Variants in HIBCH observed in about 807,000 individuals in gnomAD.
The protein encoded by HIBCH is 3-hydroxyisobutyryl-CoA hydrolase, mitochondrial.
HIBCH carries 50 observed loss-of-function variants against 58.2 expected under a neutral mutation model. The observed-to-expected ratio is 0.86, with a 90% CI of 0.68 to 1.09. HIBCH has a LOEUF of 1.09. Ranked by LOEUF, HIBCH falls within the 50% of genes least tolerant of loss-of-function variation. The pLI is 0.00. For synonymous variants in HIBCH, 151 were observed against 146.9 expected (o/e 1.03, Z -0.20); for missense variants, 450 against 449.7 (o/e 1.00, Z -0.01).
At chr2:190,191,639 G>T (rs1447766406) in intron 1 of HIBCH, among the ~76,000 whole-genome samples, 1 of 152,078 alleles carries the variant, frequency 6.6e-6, no homozygotes, top group East Asian at 1.9e-4. Flanking sequence ...ACCAGCACTT[G>T]GTATTATTTT....
At chr2:190,283,230 A>T (rs1294815631) in intron 6 of HIBCH, among the ~76,000 whole-genome samples, 3 of 152,188 alleles carry the variant, frequency 2.0e-5, no homozygotes, top group African/African-American at 4.8e-5. Flanking sequence ...TAACTTCCTC[A>T]TAAAGCAACC....
intron 6 of HIBCH, among the ~76,000 whole-genome samples, chr2:190,266,440 T>C (rs771751573): frequency 7.9e-5 from 12 of 151,770 alleles, no homozygotes; most frequent in Admixed American, 2.0e-4. Flanking sequence ...TTTTTACTTA[T>C]TTATTTATTT....
At chr2:190,291,437 T>C (rs763784290) in intron 4 of HIBCH, among the ~76,000 whole-genome samples, 12 of 152,046 alleles carry the variant, frequency 7.9e-5, no homozygotes, top group Non-Finnish European at 1.8e-4. Context: ...TAAATAGGAA[T>C]TTCCTAGAAA....
At chr2:190,288,136 G>T (rs1415661726) in intron 5 of HIBCH, among the ~76,000 whole-genome samples, 1 of 147,038 alleles carries the variant, frequency 6.8e-6, no homozygotes, top group East Asian at 2.0e-4. Context: ...TCCAGCCTGG[G>T]CAACAGACCA....
intron 11 of HIBCH, chr2:190,213,404 T>C (rs1190940808): frequency 9.6e-6 from 3 of 312,224 alleles, no homozygotes; most frequent in Non-Finnish European, 1.8e-5. Flanking sequence ...AAACCAATCA[T>C]ATTCATGGAG....
chr2:190,207,550 G>A lies in HIBCH; in HGVS notation c.1045+1330C>T, dbSNP rs1690420091. 6.6e-6 allele frequency among the ~76,000 whole-genome samples: 1 copy of A among 152,134 alleles called. No individual in the cohort carries two copies. Among genetic ancestry groups the A allele is most frequent in the Admixed American group, 6.5e-5 (1 of 15,274 alleles). ...AGTGATTGTTTATCAAAGCTTAAGAGCTGAGAGAACATAACATAACCTTTT... is the reference window on the plus strand; with the variant it reads ...AGTGATTGTTTATCAAAGCTTAAGAACTGAGAGAACATAACATAACCTTTT... On this transcript the variant is annotated intron_variant, in intron 13 of 13. Coordinates refer to ENST00000359678, the MANE Select transcript of HIBCH (RefSeq NM_014362.4). This position sits in a 1 kb window ranked among gnomAD's most constrained non-coding sequence, Gnocchi z 4.5.
intron 11 of HIBCH, among the ~76,000 whole-genome samples, chr2:190,231,295 T>C (rs957525572): frequency 1.3e-5 from 2 of 152,210 alleles, no homozygotes; most frequent in African/African-American, 4.8e-5. Context: ...ATTCTGCAAG[T>C]AGCTGAAGTT....
intron 11 of HIBCH, among the ~76,000 whole-genome samples, chr2:190,229,923 T>C (rs1686042830): frequency 6.6e-6 from 1 of 152,130 alleles, no homozygotes; most frequent in South Asian, 2.1e-4. Context: ...AACAGTTAAA[T>C]TGACAGGTAG....
chr2:190,213,007 C>G lies in HIBCH; in HGVS notation c.960G>C (p.Lys320Asn). 1.9e-6 allele frequency: 3 copies of G among 1,610,154 alleles called. No homozygotes were observed. Among genetic ancestry groups the G allele is most frequent in the Non-Finnish European group, 2.5e-6 (3 of 1,176,830 alleles). The change falls in exon 12 of 14, where the codon AAG (lysine) becomes AAC (asparagine). Residue 320 changes from lysine (K) to asparagine (N), a missense_variant. By Grantham distance (94) the Lys-to-Asn change is moderately conservative (BLOSUM62 0). Coordinates refer to ENST00000359678, the MANE Select transcript of HIBCH (RefSeq NM_014362.4). ...TLRQLMEGSS[K>N]TLQEVLTMEY... ...CCATAGTTAGTACTTCTTGCAAGGTCTTTGAAGACCCCTCCATGAGTTGCC... is the reference window on the plus strand; with the variant it reads ...CCATAGTTAGTACTTCTTGCAAGGTGTTTGAAGACCCCTCCATGAGTTGCC...
At chr2:190,245,989 C>CAAAAA (rs527873173) in intron 10 of HIBCH, among the ~76,000 whole-genome samples, 165 bp downstream of exon 10, 4 of 60,236 alleles carry the variant, frequency 6.6e-5, no homozygotes, top group Middle Eastern at 0.016. Context: ...GACTCTGTCT[C>CAAAAA]AAAAAAAAAA....
At chr2:190,258,398 T>C (rs1686988413) in intron 7 of HIBCH, among the ~76,000 whole-genome samples, 1 of 152,138 alleles carries the variant, frequency 6.6e-6, no homozygotes, top group African/African-American at 2.4e-5. Flanking sequence ...ACCAGAGAAG[T>C]AGGGCATTGC....
intron 6 of HIBCH, among the ~76,000 whole-genome samples, chr2:190,275,895 G>A (rs1687535184): frequency 1.3e-5 from 2 of 152,296 alleles, no homozygotes; most frequent in African/African-American, 4.8e-5. Flanking sequence ...TTAAAGCTGA[G>A]CAAACTTTCC....
intron 7 of HIBCH, among the ~76,000 whole-genome samples, chr2:190,255,208 C>G (rs2105944907): frequency 1.3e-5 from 2 of 152,298 alleles, no homozygotes; most frequent in African/African-American, 4.8e-5. Flanking sequence ...TAACTCTTCA[C>G]CAGAGGCCCC....
intron 2 of HIBCH, among the ~76,000 whole-genome samples, chr2:190,299,953 A>AC (rs1688217496): frequency 6.6e-6 from 1 of 151,934 alleles, no homozygotes; most frequent in South Asian, 2.1e-4. Context: ...TTTGCTAAGG[A>AC]TGATGGCCTC....
intron 2 of HIBCH, among the ~76,000 whole-genome samples, chr2:190,300,783 T>C (rs550820577): frequency 5.3e-5 from 8 of 152,250 alleles, no homozygotes; most frequent in Non-Finnish European, 1.2e-4. Flanking sequence ...TTTACAGCTT[T>C]GGGTTTTACA....
chr2:190,289,346 GAATT>G (rs1310836471), intron 5 of HIBCH, among the ~76,000 whole-genome samples: 1 of 151,898 alleles, frequency 6.6e-6, no homozygotes, highest in Non-Finnish European at 1.5e-5. Context: ...GACAAAAACT[GAATT>G]TATTTTTCCA....
chr2:190,255,828 GGAGAGA>G (rs56688526), intron 7 of HIBCH, among the ~76,000 whole-genome samples: 2 of 150,206 alleles, frequency 1.3e-5, no homozygotes, highest in South Asian at 2.1e-4. Context: ...GCTTAGGAAT[GGAGAGA>G]GAGAGAGAGA....
At chr2:190,202,754 C>T, downstream of HIBCH, 1 of 167,158 alleles carries the variant, frequency 6.0e-6, no homozygotes. Flanking sequence ...ACCAGCACAA[C>T]AAAGAGCCTC....
intron 1 of HIBCH, among the ~76,000 whole-genome samples, chr2:190,194,508 AC>A: frequency 6.6e-6 from 1 of 150,986 alleles, no homozygotes; most frequent in African/African-American, 2.5e-5. Context: ...ACACACACAC[AC>A]ACACACACAC....
Sources: allele counts gnomAD v4.1 joint callset (sites outside exome capture counted in the v4.1 genomes callset), GRCh38; gene constraint gnomAD v4.1.1; non-coding constraint Gnocchi (gnomAD v3.1); transcripts MANE v1.5; gene names NCBI Gene and HGNC (gene_info 2026-07-23, HGNC 2026-07-21).